Variants in MCTP1 observed in about 807,000 individuals in gnomAD.
The protein encoded by MCTP1 is multiple C2 and transmembrane domain-containing protein 1.
Under a neutral mutation model 120.6 loss-of-function variants are expected in MCTP1, and 69 were observed. That is an observed-to-expected ratio of 0.57 (90% confidence interval 0.47 to 0.70). The LOEUF (loss-of-function observed/expected upper bound fraction) is 0.70. MCTP1 is among the 30% of genes least tolerant of loss of function. The pLI is 0.00. For synonymous variants in MCTP1, 529 were observed against 493.1 expected (o/e 1.07, Z -0.96); for missense variants, 1,203 against 1,248.8 (o/e 0.96, Z 0.55).
At chr5:94,860,603 G>A (rs554355656) in intron 17 of MCTP1, among the ~76,000 whole-genome samples, 3 of 151,572 alleles carry the variant, frequency 2.0e-5, no homozygotes, top group Middle Eastern at 3.4e-3. Context: ...TATCATATGC[G>A]AACTACAGAA....
intron 18 of MCTP1, among the ~76,000 whole-genome samples, chr5:94,788,440 A>G (rs2152975558): frequency 6.6e-6 from 1 of 152,286 alleles, no homozygotes; most frequent in African/African-American, 2.4e-5. Context: ...ACTTTCCACA[A>G]GCAGATAAAG....
intron 1 of MCTP1, among the ~76,000 whole-genome samples, chr5:95,155,584 C>CAA (rs538865033): frequency 6.9e-6 from 1 of 145,284 alleles, no homozygotes. Flanking sequence ...AAGTCTGTAA[C>CAA]AAAAAAAAAA....
chr5:94,921,438 A>G (rs1480522176), intron 7 of MCTP1, among the ~76,000 whole-genome samples: 1 of 152,210 alleles, frequency 6.6e-6, no homozygotes, highest in Non-Finnish European at 1.5e-5. Flanking sequence ...TCTCTTGGAC[A>G]CATGTATTGA....
Position 94,917,632 on chromosome 5 carries a change from C to A in MCTP1, c.1350+264G>T, listed in dbSNP as rs192514124. ...ATAATTAATAAAGAATATCAAGACA[C>A]CAGGTAACAATACAGATTTCAAAGT... On this transcript the variant is annotated intron_variant, in intron 8 of 22. Transcript: ENST00000515393. Among the ~76,000 whole-genome samples the A allele has an allele frequency of 7.5e-4, 114 of 152,158 alleles. 1 individual carries two copies. In the East Asian group the frequency reaches 0.018, roughly 24 times the overall value.
At chr5:94,857,499 G>A (rs555244168) in intron 17 of MCTP1, among the ~76,000 whole-genome samples, 1 of 151,626 alleles carries the variant, frequency 6.6e-6, no homozygotes, top group Non-Finnish European at 1.5e-5. Flanking sequence ...AAACACTGAT[G>A]GAACATTTTT....
intron 12 of MCTP1, among the ~76,000 whole-genome samples, chr5:94,877,141 C>A (rs1181389880): frequency 2.6e-5 from 4 of 152,002 alleles, no homozygotes; most frequent in Non-Finnish European, 4.4e-5. Context: ...CTCTGGTGAT[C>A]TATGGTGATT....
intron 19 of MCTP1, among the ~76,000 whole-genome samples, chr5:94,761,658 G>C (rs1490704235): frequency 6.6e-6 from 1 of 152,142 alleles, no homozygotes; most frequent in Non-Finnish European, 1.5e-5. Context: ...TTTGGTCTTG[G>C]GAAATTGTGG....
chr5:95,035,086 A>G (rs1841022349), intron 1 of MCTP1, among the ~76,000 whole-genome samples: 1 of 152,016 alleles, frequency 6.6e-6, no homozygotes, highest in Non-Finnish European at 1.5e-5. Flanking sequence ...GTTGGCAAAG[A>G]CGTGGAGAAA....
At chr5:94,883,751 T>C (rs1248867840) in intron 12 of MCTP1, among the ~76,000 whole-genome samples, 1 of 152,216 alleles carries the variant, frequency 6.6e-6, no homozygotes, top group African/African-American at 2.4e-5. Flanking sequence ...TTCAAACTGC[T>C]ACAATCCTAT....
At chr5:94,962,191 C>T (rs765801170) in intron 2 of MCTP1, among the ~76,000 whole-genome samples, 42 of 151,880 alleles carry the variant, frequency 2.8e-4, no homozygotes, top group African/African-American at 3.1e-4. Flanking sequence ...CCTATACTGC[C>T]GGTGGGAGTA....
rs114250030 is a variant in MCTP1 at position 95,001,421 on chromosome 5, A to T, written c.838+15946T>A. Among the ~76,000 whole-genome samples, 416 of 152,294 alleles carry T rather than the reference A, an allele frequency of 2.7e-3. 2 individuals are homozygous for T. Among genetic ancestry groups the T allele is most frequent in the African/African-American group, 9.4e-3 (391 of 41,558 alleles). ...TGTGGGGAAGTTTAGAACCGCCTGA[A>T]GACTTGGAGGGCTCAGAAGACAGGA... On this transcript the variant is annotated intron_variant, in intron 2 of 22. Transcript: ENST00000515393.
intron 7 of MCTP1, among the ~76,000 whole-genome samples, chr5:94,921,345 T>G (rs1811603836): frequency 6.6e-6 from 1 of 152,238 alleles, no homozygotes; most frequent in Non-Finnish European, 1.5e-5. Flanking sequence ...CCAGGAAAAT[T>G]AAGATACAGC....
At chr5:94,833,895 G>A (rs1789117675) in intron 17 of MCTP1, among the ~76,000 whole-genome samples, 1 of 152,154 alleles carries the variant, frequency 6.6e-6, no homozygotes, top group Admixed American at 6.5e-5. Flanking sequence ...AGAAAAGAGA[G>A]AACTAGCCTA....
chr5:95,052,066 C>T (rs1746077512), intron 1 of MCTP1, among the ~76,000 whole-genome samples: 1 of 152,086 alleles, frequency 6.6e-6, no homozygotes, highest in Non-Finnish European at 1.5e-5. Flanking sequence ...ACAAAATGAG[C>T]TGCAAGAGGG....
intron 1 of MCTP1, among the ~76,000 whole-genome samples, chr5:95,188,666 C>T (rs1030426510): frequency 3.9e-5 from 6 of 152,116 alleles, no homozygotes; most frequent in African/African-American, 4.8e-5. Flanking sequence ...ATATATTACT[C>T]ATTTCCAGGG....
intron 1 of MCTP1, among the ~76,000 whole-genome samples, chr5:95,118,387 C>T (rs564122309): frequency 5.7e-4 from 86 of 151,582 alleles, no homozygotes; most frequent in East Asian, 2.9e-3. Context: ...AAACATACAA[C>T]GGATACACAA....
At chr5:94,829,490 T>C (rs1411556521) in intron 17 of MCTP1, among the ~76,000 whole-genome samples, 1 of 152,176 alleles carries the variant, frequency 6.6e-6, no homozygotes, top group Non-Finnish European at 1.5e-5. Context: ...CCTAATAAGA[T>C]GCTCACGATC....
chr5:95,237,925 C>T (rs1040440695), intron 1 of MCTP1, among the ~76,000 whole-genome samples: 1 of 152,062 alleles, frequency 6.6e-6, no homozygotes, highest in Non-Finnish European at 1.5e-5. Flanking sequence ...CTGATTCCTT[C>T]AGCATGCCAC....
At chr5:95,238,280 A>G (rs1755775800) in intron 1 of MCTP1, among the ~76,000 whole-genome samples, 1 of 152,194 alleles carries the variant, frequency 6.6e-6, no homozygotes, top group Admixed American at 6.5e-5. Flanking sequence ...TTGGATTGGT[A>G]TATTATTATT....
Sources: gnomAD v4.1 joint callset for allele counts (sites outside exome capture counted in the v4.1 genomes callset) on GRCh38, gnomAD v4.1.1 for gene constraint, MANE v1.5 for transcripts, NCBI Gene and HGNC (gene_info 2026-07-23, HGNC 2026-07-21) for gene names.